The following DNAH11 variants were observed in gnomAD, a reference collection of about 807,000 sequenced individuals.
The protein encoded by DNAH11 is axonemal beta dynein heavy chain 11.
Under a neutral mutation model 526.0 loss-of-function variants are expected in DNAH11, and 442 were observed. That is an observed-to-expected ratio of 0.84 (90% CI 0.78 to 0.91). DNAH11 has a LOEUF of 0.91. Ranked by LOEUF, DNAH11 falls within the 40% of genes least tolerant of loss-of-function variation. The probability of loss-of-function intolerance (pLI) is 0.00; values close to 1 mark genes in which losing one functional copy is unlikely to be tolerated. For missense variants in DNAH11, 6,989 were observed against 5,448.7 expected, an observed-to-expected ratio of 1.28 and a Z score of -8.90; for synonymous variants, 2,461 against 1,935.9, an observed-to-expected ratio of 1.27 and a Z score of -7.12.
At position 21,615,222 on chromosome 7, in the gene DNAH11, A is replaced by G. The variant is rs755534967; in HGVS notation, c.3961A>G (p.Lys1321Glu). 1 of 1,613,588 alleles carries G rather than the reference A, an allele frequency of 6.2e-7. No homozygotes were observed. The highest frequency in any genetic ancestry group is 8.5e-7 in the Non-Finnish European group (1 of 1,179,654). The change falls in exon 21 of 82, where the codon AAA (lysine) becomes GAA (glutamate). Residue 1321 changes from lysine (K) to glutamate (E), a missense_variant. By Grantham distance (56) the Lys-to-Glu change is moderately conservative. Transcript: ENST00000409508. Reference protein sequence around the residue: ...PEYKQMKQCRKEIKLLKGLWD... With the variant: ...PEYKQMKQCREEIKLLKGLWD... Reference sequence around the variant, plus strand: ...GTACAAACAAATGAAACAGTGTCGCAAAGAAATAAAATTGCTCAAGGGACT... The same window carrying G: ...GTACAAACAAATGAAACAGTGTCGCGAAGAAATAAAATTGCTCAAGGGACT...
chr7:21,600,911 T>C lies in DNAH11; in HGVS notation c.3236T>C (p.Leu1079Pro), dbSNP rs371800860. Reference sequence around the variant, plus strand: ...GAAATTCCCGAACAACCACCAACTCTTGAGCAATTCAAAGAACAGGCAAGG... The same window carrying C: ...GAAATTCCCGAACAACCACCAACTCCTGAGCAATTCAAAGAACAGGCAAGG... Reference protein sequence around the residue: ...NEEIPEQPPTLEQFKEQIDIY... With the variant: ...NEEIPEQPPTPEQFKEQIDIY... The change falls in exon 16 of 82, where the codon CTT becomes CCT. Residue 1079 changes from leucine to proline, a missense_variant. Coordinates refer to ENST00000409508, the MANE Select transcript of DNAH11 (RefSeq NM_001277115.2). The C allele has an allele frequency of 6.3e-5, 102 of 1,613,696 alleles. No individual in the cohort carries two copies. Among genetic ancestry groups the C allele is most frequent in the Non-Finnish European group, 8.2e-5 (97 of 1,179,784 alleles).
In DNAH11 at chr7:21,901,339, TCTAA is replaced by T. The variant is rs1209040924; in HGVS notation, c.*88_*91del. 3 of 1,414,384 alleles carry T rather than the reference TCTAA, an allele frequency of 2.1e-6. No individual in the cohort carries two copies. Among genetic ancestry groups the T allele is most frequent in the Non-Finnish European group, 2.8e-6 (3 of 1,076,022 alleles). The allele number at this position is 1,414,384 out of a possible 1,614,324, so 87.6% of individuals were successfully genotyped here. A position where few individuals can be genotyped will look rare whatever the true frequency, so the allele number is the denominator to read the frequency against. On this transcript the variant is annotated 3_prime_UTR_variant, in exon 82 of 82. Transcript: ENST00000409508. Reference sequence around the variant, plus strand: ...GCTGCACTGTTCCCATGCACATTATTCTAACTTTTTAGTAACTCACACGTGCATT... The same window carrying T: ...GCTGCACTGTTCCCATGCACATTATTCTTTTTAGTAACTCACACGTGCATT...
intron 36 of DNAH11, among the ~76,000 whole-genome samples, chr7:21,699,809 T>C (rs1045773379): frequency 1.8e-4 from 27 of 152,218 alleles, no homozygotes; most frequent in Admixed American, 1.2e-3. Context: ...TAGTAATATT[T>C]AAACATTTAA....
chr7:21,868,134 T>C, intron 72 of DNAH11, 127 bp downstream of exon 72: 3 of 887,154 alleles, frequency 3.4e-6, no homozygotes, highest in Non-Finnish European at 3.1e-6. Flanking sequence ...TTGTTGAAGA[T>C]TGGGTGTATG....
At position 21,833,072 on chromosome 7, in the gene DNAH11, A is replaced by T. The variant is rs545433252; in HGVS notation, c.10692-9472A>T. Among the ~76,000 whole-genome samples the T allele has an allele frequency of 1.1e-4, 16 of 152,334 alleles. No individual in the cohort carries two copies. In the South Asian group the frequency reaches 2.1e-3, roughly 20 times the overall value. On this transcript the variant is annotated intron_variant, in intron 65 of 81. Transcript: ENST00000409508. ...ACCTGACTTCTTACCATAGTTCCCA[A>T]TCCCATGACAGTGAACTGTCCCATT...
intron 4 of DNAH11, 27 bp downstream of exon 4, chr7:21,559,819 A>C (rs540942795): frequency 6.5e-7 from 1 of 1,549,312 alleles, no homozygotes; most frequent in African/African-American, 1.4e-5. Context: ...AGAAATTATA[A>C]ATTAAATTAG....
At chr7:21,614,426 C>T (rs1466208179) in intron 20 of DNAH11, among the ~76,000 whole-genome samples, 1 of 152,064 alleles carries the variant, frequency 6.6e-6, no homozygotes, top group Non-Finnish European at 1.5e-5. Context: ...GCAAGTGCTC[C>T]TCTACACCTT....
intron 22 of DNAH11, among the ~76,000 whole-genome samples, chr7:21,617,391 GT>G (rs1329601769): frequency 1.3e-5 from 2 of 152,180 alleles, no homozygotes; most frequent in Non-Finnish European, 2.9e-5. Context: ...GTTAGATCTT[GT>G]GAATGAGAAA....
intron 39 of DNAH11, 33 bp from the exon 40 acceptor site, chr7:21,707,666 T>C: frequency 6.2e-7 from 1 of 1,600,594 alleles, no homozygotes; most frequent in Non-Finnish European, 8.5e-7. Context: ...ATGTTAGTAT[T>C]AATTTTTTTG....
chr7:21,855,049 T>TG (rs1304367672), intron 68 of DNAH11, among the ~76,000 whole-genome samples: 1 of 91,302 alleles, frequency 1.1e-5, no homozygotes, highest in Non-Finnish European at 2.7e-5. Flanking sequence ...TTTTTTTTTT[T>TG]GGGATGGAGT....
At chr7:21,804,193 C>T (rs1324178987) in intron 62 of DNAH11, among the ~76,000 whole-genome samples, 3 of 152,144 alleles carry the variant, frequency 2.0e-5, no homozygotes, top group Admixed American at 1.3e-4. Context: ...ACTGCAAGCT[C>T]CGCCTCCCGG....
chr7:21,659,166 A>G (rs1782142576), intron 30 of DNAH11, 135 bp downstream of exon 30: 18 of 748,070 alleles, frequency 2.4e-5, no homozygotes, highest in Non-Finnish European at 3.4e-5. Context: ...TTTAGCAATC[A>G]GTTGTTAAAT....
At position 21,628,713 on chromosome 7, in the gene DNAH11, G is replaced by C. The variant is rs186258660; in HGVS notation, c.4501-7158G>C. Among the ~76,000 whole-genome samples, 375 of 152,004 alleles carry C rather than the reference G, an allele frequency of 2.5e-3. 3 individuals are homozygous for C. Among genetic ancestry groups the C allele is most frequent in the African/African-American group, 8.6e-3 (356 of 41,496 alleles). The stretch of plus-strand genomic sequence containing the variant: ...AGCTAATATTTTGTAGAGAATTGTG[G>C]CATCTATGTTTATCAGTAGTATTGG... On this transcript the variant is annotated intron_variant, in intron 25 of 81. Coordinates refer to ENST00000409508, the MANE Select transcript of DNAH11 (RefSeq NM_001277115.2).
chr7:21,613,339 ATATG>A (rs10598799), intron 20 of DNAH11, among the ~76,000 whole-genome samples: 4,438 of 152,306 alleles, frequency 0.029, 208 homozygotes, highest in African/African-American at 0.1. Flanking sequence ...TTGTGGTTAA[ATATG>A]TAGTAGGGAA....
At chr7:21,543,750 C>G (rs1413784520) in intron 1 of DNAH11, 154 bp downstream of exon 1, 1 of 734,246 alleles carries the variant, frequency 1.4e-6, no homozygotes, top group Non-Finnish European at 2.2e-6. Context: ...CAGGACTCCT[C>G]CCCACGTGCA....
chr7:21,702,853 C>T, intron 37 of DNAH11, 51 bp downstream of exon 37: 2 of 1,503,414 alleles, frequency 1.3e-6, no homozygotes, highest in Non-Finnish European at 1.8e-6. Context: ...GCCTGCTTCA[C>T]AGACATGAAA....
At chr7:21,715,548 A>G (rs1784625520) in intron 42 of DNAH11, among the ~76,000 whole-genome samples, 1 of 152,138 alleles carries the variant, frequency 6.6e-6, no homozygotes, top group Non-Finnish European at 1.5e-5. Flanking sequence ...TGCCATTTTC[A>G]ATTGTATGTA....
At chr7:21,547,316 A>G (rs1782842008) in intron 2 of DNAH11, among the ~76,000 whole-genome samples, 1 of 152,212 alleles carries the variant, frequency 6.6e-6, no homozygotes, top group African/African-American at 2.4e-5. Context: ...TCATGGAATA[A>G]TGTGAGAAAC....
chr7:21,865,005 CT>C (rs1191060138), intron 70 of DNAH11, among the ~76,000 whole-genome samples: 2 of 152,094 alleles, frequency 1.3e-5, no homozygotes, highest in Admixed American at 6.5e-5. Context: ...AATTTGTTTT[CT>C]TTTTAAATCG....
Sources: gnomAD v4.1 joint callset for allele counts (sites outside exome capture counted in the v4.1 genomes callset) on GRCh38, gnomAD v4.1.1 for gene constraint, MANE v1.5 for transcripts, NCBI Gene and HGNC (gene_info 2026-07-23, HGNC 2026-07-21) for gene names.